CAST: variants seen among roughly 807,000 people sequenced by gnomAD.
The protein encoded by CAST is calpastatin, also known as MIR583 host.
CAST carries 76 observed loss-of-function variants against 119.6 expected under a neutral mutation model. The observed-to-expected ratio is 0.64, with a 90% CI of 0.53 to 0.77. The LOEUF is 0.77. Among genes scored for constraint, CAST ranks in the 30% least tolerant of loss-of-function variants. The pLI is 0.00. For missense variants in CAST, 953 were observed against 946.5 expected, an observed-to-expected ratio of 1.01 and a Z score of -0.09; for synonymous variants, 319 against 331.6, an observed-to-expected ratio of 0.96 and a Z score of 0.41.
the CAST span, among the ~76,000 whole-genome samples, chr5:96,329,321 ATT>A: frequency 6.6e-6 from 1 of 152,244 alleles, no homozygotes; most frequent in Non-Finnish European, 1.5e-5. Flanking sequence ...TTCTCTTAAT[ATT>A]TTGACTCAAC....
At chr5:96,126,282 G>T in the CAST span, among the ~76,000 whole-genome samples, 1 of 152,072 alleles carries the variant, frequency 6.6e-6, no homozygotes, top group African/African-American at 2.4e-5. Context: ...GCTGCAATTT[G>T]TGGGGAAGCT....
the CAST span, among the ~76,000 whole-genome samples, chr5:96,360,496 C>A: frequency 1.3e-5 from 2 of 152,074 alleles, no homozygotes; most frequent in African/African-American, 4.8e-5. Flanking sequence ...ATGTTGATGA[C>A]CTTTGGATGG....
the CAST span, among the ~76,000 whole-genome samples, chr5:96,280,040 C>T: frequency 6.6e-6 from 1 of 152,190 alleles, no homozygotes; most frequent in Non-Finnish European, 1.5e-5. Flanking sequence ...GGTTCAGAAA[C>T]CATTTCCGTT....
intron 1 of CAST, among the ~76,000 whole-genome samples, chr5:96,670,720 ACTCCTGAT>A (rs1749957431): frequency 6.6e-6 from 1 of 151,940 alleles, no homozygotes. Flanking sequence ...CTGGTCTCGA[ACTCCTGAT>A]CTCCTGATCT....
At chr5:96,749,960 C>G (rs553153564) in intron 19 of CAST, among the ~76,000 whole-genome samples, 1 of 152,236 alleles carries the variant, frequency 6.6e-6, no homozygotes, top group African/African-American at 2.4e-5. Context: ...ACTCTACCCC[C>G]AAAGTTTCTT....
chr5:96,183,160 A>ATAAT, the CAST span, among the ~76,000 whole-genome samples: 53 of 143,270 alleles, frequency 3.7e-4, no homozygotes, highest in African/African-American at 2.6e-4. Context: ...AAAATAAATA[A>ATAAT]AATAATAATA....
the CAST span, among the ~76,000 whole-genome samples, chr5:96,452,794 C>A: frequency 1.4e-5 from 2 of 142,342 alleles, no homozygotes; most frequent in Non-Finnish European, 3.0e-5. Context: ...ACTAAAAATA[C>A]AAAAAATTAG....
intron 1 of CAST, among the ~76,000 whole-genome samples, chr5:96,558,419 G>A (rs1746287971): frequency 1.3e-5 from 2 of 152,102 alleles, no homozygotes; most frequent in African/African-American, 2.4e-5. Flanking sequence ...GAATCCAGGA[G>A]CTGGTTTTTT....
At chr5:96,135,518 TAATATGAG>T in the CAST span, among the ~76,000 whole-genome samples, 1 of 152,138 alleles carries the variant, frequency 6.6e-6, no homozygotes, top group Non-Finnish European at 1.5e-5. Context: ...CTTAGGAGAA[TAATATGAG>T]ATGTTGACTA....
intron 1 of CAST, among the ~76,000 whole-genome samples, chr5:96,608,203 C>G (rs1024893130): frequency 3.3e-5 from 5 of 152,130 alleles, no homozygotes; most frequent in African/African-American, 1.2e-4. Context: ...CAATATTTGT[C>G]TCTCTGTGCC....
intron 1 of CAST, among the ~76,000 whole-genome samples, chr5:96,559,749 G>A (rs1160624335): frequency 1.3e-5 from 2 of 152,228 alleles, no homozygotes; most frequent in African/African-American, 4.8e-5. Context: ...TGGGTAGGAA[G>A]AATCAGTATC....
At chr5:96,237,359 T>C in the CAST span, among the ~76,000 whole-genome samples, 1 of 152,202 alleles carries the variant, frequency 6.6e-6, no homozygotes, top group African/African-American at 2.4e-5. Flanking sequence ...TATTCAAATG[T>C]GAGTTTAGCC....
At chr5:96,541,335 A>T (rs80202177) in intron 1 of CAST, among the ~76,000 whole-genome samples, 17 of 20,706 alleles carry the variant, frequency 8.2e-4, no homozygotes, top group South Asian at 2.1e-3. Context: ...TCATTTTTTT[A>T]AAAAAAAAAA....
chr5:96,557,691 C>T (rs1746271975), intron 1 of CAST, among the ~76,000 whole-genome samples: 1 of 152,108 alleles, frequency 6.6e-6, no homozygotes, highest in Admixed American at 6.5e-5. Context: ...ACAGGAGCAC[C>T]CAGATTCATA....
chr5:96,238,215 TA>T, the CAST span, among the ~76,000 whole-genome samples: 47 of 152,116 alleles, frequency 3.1e-4, no homozygotes, highest in African/African-American at 1.1e-3. Context: ...TACATATTTT[TA>T]AAAAATGACA....
At chr5:96,368,513 AAAC>A in the CAST span, among the ~76,000 whole-genome samples, 2 of 151,670 alleles carry the variant, frequency 1.3e-5, no homozygotes, top group Admixed American at 6.6e-5. Flanking sequence ...AAAAAAAAAA[AAAC>A]AAAAAAACCT....
chr5:96,610,009 A>T (rs1392419800), intron 1 of CAST, among the ~76,000 whole-genome samples: 1 of 152,184 alleles, frequency 6.6e-6, no homozygotes, highest in Non-Finnish European at 1.5e-5. Context: ...CTCATCTTGA[A>T]TTATAGCTCC....
chr5:96,419,308 G>T, the CAST span, among the ~76,000 whole-genome samples: 2 of 144,598 alleles, frequency 1.4e-5, no homozygotes, highest in Non-Finnish European at 1.5e-5. Flanking sequence ...TATATTAAGT[G>T]AGATATATAT....
the CAST span, among the ~76,000 whole-genome samples, chr5:96,144,672 A>ATTT: frequency 7.1e-6 from 1 of 141,210 alleles, no homozygotes; most frequent in African/African-American, 2.6e-5. Context: ...CCCAGACACC[A>ATTT]TTTTTTTTTT....
Sources: gnomAD v4.1 joint callset for allele counts (sites outside exome capture counted in the v4.1 genomes callset) on GRCh38, gnomAD v4.1.1 for gene constraint, MANE v1.5 for transcripts, NCBI Gene and HGNC (gene_info 2026-07-23, HGNC 2026-07-21) for gene names.